The following ARHGEF6 variants were observed in gnomAD, a reference collection of about 807,000 sequenced individuals.
ARHGEF6 encodes the protein Rac/Cdc42 guanine nucleotide exchange factor 6.
ARHGEF6 carries 9 observed loss-of-function variants against 70.3 expected under a neutral mutation model. The observed-to-expected ratio is 0.13, with a 90% CI of 0.08 to 0.22. The LOEUF (loss-of-function observed/expected upper bound fraction) is 0.22, where lower values mean the gene tolerates loss of function less well. Among genes scored for constraint, ARHGEF6 ranks in the 10% least tolerant of loss-of-function variants. The probability of loss-of-function intolerance (pLI) is 1.00; values close to 1 mark genes in which losing one functional copy is unlikely to be tolerated. For missense variants in ARHGEF6, 470 were observed against 563.0 expected (o/e 0.83, Z 1.67); for synonymous variants, 201 against 207.8 (o/e 0.97, Z 0.28).
At chrX:136,711,474 A>G (rs1269718414) in intron 7 of ARHGEF6, among the ~76,000 whole-genome samples, 1 of 112,270 alleles carries the variant, frequency 8.9e-6, no homozygotes, top group African/African-American at 3.2e-5. Flanking sequence ...CCAATGATTT[A>G]CAGATTTACT....
intron 18 of ARHGEF6, among the ~76,000 whole-genome samples, chrX:136,675,871 C>G (rs940729816): frequency 5.5e-5 from 6 of 109,619 alleles, no homozygotes; most frequent in Admixed American, 1.9e-4. Flanking sequence ...TTTCCCTTCT[C>G]CCTTCTCCTC....
chrX:136,753,835 G>T (rs1421340288), intron 2 of ARHGEF6, among the ~76,000 whole-genome samples: 1 of 112,001 alleles, frequency 8.9e-6, no homozygotes, highest in Non-Finnish European at 1.9e-5. Flanking sequence ...ATTTTTAAAT[G>T]ACCTATTTAT....
At chrX:136,725,928 A>G (rs2148637707) in intron 6 of ARHGEF6, among the ~76,000 whole-genome samples, 1 of 112,196 alleles carries the variant, frequency 8.9e-6, no homozygotes, top group South Asian at 3.7e-4. Context: ...CATTTCCTGG[A>G]GAGGCTTTAG....
chrX:136,779,401 G>A lies in ARHGEF6; in HGVS notation c.249+13C>T, dbSNP rs201948429. ...AACGATGACAACAGGGAAGGCACCC[G>A]GGGTAGGCTTACTTCCACTTGGAGG... On this transcript the variant is annotated intron_variant, in intron 2 of 21. Transcript: ENST00000250617. 8.7e-5 allele frequency: 104 copies of A among 1,199,022 alleles called. No individual in the cohort carries two copies. Among genetic ancestry groups the A allele is most frequent in the Middle Eastern group, 2.3e-4 (1 of 4,321 alleles).
At chrX:136,673,895 C>T (rs1221487534) in intron 19 of ARHGEF6, among the ~76,000 whole-genome samples, 3 of 110,927 alleles carry the variant, frequency 2.7e-5, no homozygotes, top group African/African-American at 9.9e-5. Context: ...TTGATGGTGT[C>T]TCACTCTGTC....
intron 4 of ARHGEF6, among the ~76,000 whole-genome samples, chrX:136,744,966 T>C (rs922109474): frequency 2.7e-5 from 3 of 112,228 alleles, no homozygotes; most frequent in Non-Finnish European, 5.6e-5. Context: ...TCCATTTGCA[T>C]AGCATTCTCA....
intron 2 of ARHGEF6, among the ~76,000 whole-genome samples, chrX:136,749,284 C>T (rs1436598816): frequency 9.0e-6 from 1 of 111,174 alleles, no homozygotes; most frequent in East Asian, 2.8e-4. Context: ...TTGAGTCTCC[C>T]TTAGAACTGA....
At chrX:136,688,588 G>T (rs1287492391) in intron 10 of ARHGEF6, among the ~76,000 whole-genome samples, 1 of 110,262 alleles carries the variant, frequency 9.1e-6, no homozygotes, top group East Asian at 2.8e-4. Context: ...GAGCCCAGAG[G>T]TCGAGACTGT....
intron 15 of ARHGEF6, 80 bp downstream of exon 15, chrX:136,680,651 G>A (rs1194479836): frequency 1.7e-5 from 19 of 1,110,061 alleles, no homozygotes; most frequent in African/African-American, 5.4e-5. Context: ...GGGTGTGCTC[G>A]CTGCTTCTTG....
chrX:136,755,733 G>A (rs2077199392), intron 2 of ARHGEF6, among the ~76,000 whole-genome samples: 1 of 112,032 alleles, frequency 8.9e-6, no homozygotes, highest in Non-Finnish European at 1.9e-5. Context: ...TAGAGATGTT[G>A]TAAATTTAAG....
chrX:136,759,533 G>C (rs777576269), intron 2 of ARHGEF6, among the ~76,000 whole-genome samples: 8 of 109,543 alleles, frequency 7.3e-5, no homozygotes, highest in Non-Finnish European at 1.5e-4. Context: ...GGGAGGCTGA[G>C]GCAGGAGAAT....
In ARHGEF6 at chrX:136,773,828, C is replaced by T. The variant is rs1307363346; in HGVS notation, c.249+5586G>A. ...AGCCAAGATTCTAATCTAGGTCTGC[C>T]AAACTAGAGAAGGCATGTGCTTAAC... On this transcript the variant is annotated intron_variant, in intron 2 of 21. Coordinates refer to ENST00000250617, the MANE Select transcript of ARHGEF6 (RefSeq NM_004840.3). Among the ~76,000 whole-genome samples, 24 of 111,899 alleles carry T rather than the reference C, an allele frequency of 2.1e-4. No homozygotes were observed. In the Admixed American group the frequency reaches 2.3e-3, roughly 11 times the overall value.
Position 136,680,114 on chromosome X carries a change from T to C in ARHGEF6, c.1705-454A>G, listed in dbSNP as rs771148015. Among the ~76,000 whole-genome samples the C allele has an allele frequency of 2.7e-4, 30 of 112,522 alleles. No individual in the cohort carries two copies. In the South Asian group the frequency reaches 9.3e-3, roughly 35 times the overall value. On this transcript the variant is annotated intron_variant, in intron 15 of 21. Transcript: ENST00000250617. ...CCCAGATCTGAAGCCAAAGTCCATA[T>C]TCTTCCAACCACAACACACAGTCCT... is the stretch of plus-strand genomic sequence containing the variant.
In ARHGEF6 at chrX:136,672,088, T is replaced by C; in HGVS notation, c.2067A>G (p.Leu689=). The C allele has an allele frequency of 8.3e-7, 1 of 1,209,506 alleles. No individual in the cohort carries two copies. The highest frequency in any genetic ancestry group is 1.1e-6 in the Non-Finnish European group (1 of 893,779). ...STRKDSIPQV[L]LPEEEKLIIE... is the part of the protein sequence containing the mutation. ...TGATGAGTTTCTCTTCCTCAGGGAGTAGGACTTGTGGAATGGAATCTTTTC... is the reference window on the plus strand; with the variant it reads ...TGATGAGTTTCTCTTCCTCAGGGAGCAGGACTTGTGGAATGGAATCTTTTC... The change falls in exon 20 of 22, where the codon CTA becomes CTG. Residue 689 remains leucine, a synonymous_variant. Transcript: ENST00000250617.
chrX:136,669,189 A>C (rs2076196526), intron 21 of ARHGEF6, among the ~76,000 whole-genome samples: 1 of 112,340 alleles, frequency 8.9e-6, no homozygotes, highest in Non-Finnish European at 1.9e-5. Context: ...TTACACACTC[A>C]TGAATGACTA....
At chrX:136,683,103 T>C (rs967870378) in intron 12 of ARHGEF6, among the ~76,000 whole-genome samples, 1 of 111,935 alleles carries the variant, frequency 8.9e-6, no homozygotes, top group Non-Finnish European at 1.9e-5. Flanking sequence ...TTGCTTTCCA[T>C]GTATGAAAGC....
intron 6 of ARHGEF6, among the ~76,000 whole-genome samples, chrX:136,714,381 A>G (rs750586547): frequency 8.9e-6 from 1 of 112,194 alleles, no homozygotes; most frequent in Admixed American, 9.4e-5. Flanking sequence ...CATGTACCCT[A>G]GAACTTAAAG....
At chrX:136,674,304 T>G (rs1402371592) in intron 19 of ARHGEF6, among the ~76,000 whole-genome samples, 1 of 112,872 alleles carries the variant, frequency 8.9e-6, no homozygotes, top group Non-Finnish European at 1.9e-5. Context: ...TCATTTCTTA[T>G]GCAGGTGCAA....
At chrX:136,676,800 CCT>C in intron 17 of ARHGEF6, 83 bp from the exon 18 acceptor site, 3 of 659,305 alleles carry the variant, frequency 4.6e-6, no homozygotes, top group Non-Finnish European at 7.4e-6. Context: ...AAGTAGAATT[CCT>C]CTCTCTTATT....
Sources: allele counts gnomAD v4.1 joint callset (sites outside exome capture counted in the v4.1 genomes callset), GRCh38; gene constraint gnomAD v4.1.1; transcripts MANE v1.5; gene names NCBI Gene and HGNC (gene_info 2026-07-23, HGNC 2026-07-21).